DDHD2: variants seen among roughly 807,000 people sequenced by gnomAD.
The protein encoded by DDHD2 is DDHD domain containing 2, also known as triacylglycerol hydrolase DDHD2.
In DDHD2, 62 loss-of-function variants were observed where a neutral mutation model predicts 91.2. The ratio of observed to expected loss-of-function variants is 0.68; its 90% CI spans 0.55 to 0.84. The LOEUF is 0.84. Among genes scored for constraint, DDHD2 ranks in the 40% least tolerant of loss-of-function variants. DDHD2 has a pLI of 0.00. For missense variants in DDHD2, 740 were observed against 846.9 expected, an observed-to-expected ratio of 0.87 and a Z score of 1.57; for synonymous variants, 271 against 293.9, an observed-to-expected ratio of 0.92 and a Z score of 0.80.
intron 16 of DDHD2, among the ~76,000 whole-genome samples, chr8:38,256,200 C>T (rs1270073480): frequency 6.6e-6 from 1 of 152,126 alleles, no homozygotes; most frequent in Non-Finnish European, 1.5e-5. Context: ...TCCTAATTTC[C>T]AGGGAGCCAC....
chr8:38,249,449 T>C (rs1479207473), intron 10 of DDHD2, among the ~76,000 whole-genome samples: 2 of 150,218 alleles, frequency 1.3e-5, no homozygotes, highest in African/African-American at 4.9e-5. Flanking sequence ...GATACCCAAC[T>C]TCTCTGTTTT....
At chr8:38,235,790 C>T (rs943006241) in intron 3 of DDHD2, among the ~76,000 whole-genome samples, 11 of 150,552 alleles carry the variant, frequency 7.3e-5, no homozygotes, top group Non-Finnish European at 1.6e-4. Context: ...GAGGCCAAGG[C>T]AGGAGGATGA....
rs370808506 is a variant in DDHD2, at chr8:38,260,065, G to A, written c.2080G>A (p.Val694Ile). Residue 694 changes from valine to isoleucine, a missense_variant, in exon 17 of 18, where the codon GTC becomes ATC. Transcript: ENST00000397166. Reference sequence around the variant, plus strand: ...GGAGTCTGAAGATACAGTATTGCTCGTCCTCAAAGAGATCTACCAAACCCA... The same window carrying A: ...GGAGTCTGAAGATACAGTATTGCTCATCCTCAAAGAGATCTACCAAACCCA... The part of the protein sequence containing the change: ...YWESEDTVLL[V>I]LKEIYQTQGI... 61 of 1,613,176 alleles carry A rather than the reference G, an allele frequency of 3.8e-5. No individual in the cohort carries two copies. Among genetic ancestry groups the A allele is most frequent in the Non-Finnish European group, 4.6e-5 (54 of 1,179,376 alleles).
rs552957037 is a variant in DDHD2, at chr8:38,259,819, C to T, written c.2055-221C>T. Among the ~76,000 whole-genome samples the T allele has an allele frequency of 2.0e-5, 3 of 152,342 alleles. No individual in the cohort carries two copies. In the South Asian group the frequency reaches 6.2e-4, roughly 32 times the overall value. ...ACAGGCATGAGCCACCGCACCTGGCCTCTCTTCCTAGCTTTTTTATATTAC... is the reference window on the plus strand; with the variant it reads ...ACAGGCATGAGCCACCGCACCTGGCTTCTCTTCCTAGCTTTTTTATATTAC... On this transcript the variant is annotated intron_variant, in intron 16 of 17. Coordinates refer to ENST00000397166, the MANE Select transcript of DDHD2 (RefSeq NM_015214.3).
At chr8:38,248,077 G>A (rs1258347740) in intron 10 of DDHD2, among the ~76,000 whole-genome samples, 1 of 152,180 alleles carries the variant, frequency 6.6e-6, no homozygotes, top group Non-Finnish European at 1.5e-5. Flanking sequence ...ACGGCTCATA[G>A]AAAACATGAG....
chr8:38,250,939 G>C (rs1407899882), intron 11 of DDHD2: 1 of 152,126 alleles, frequency 6.6e-6, no homozygotes, highest in Non-Finnish European at 1.5e-5. Context: ...TGAGCCATGT[G>C]TCTGACTTCT....
downstream of DDHD2, chr8:38,267,406 C>T (rs1211595961): frequency 2.5e-6 from 4 of 1,611,216 alleles, no homozygotes; most frequent in South Asian, 1.1e-5. Context: ...AAGAAAGCAG[C>T]ATGGTTGGAA....
intron 5 of DDHD2, chr8:38,238,545 A>G (rs1804985619): frequency 1.9e-6 from 2 of 1,051,498 alleles, no homozygotes; most frequent in Non-Finnish European, 2.3e-6. Context: ...TTGTCCTTGA[A>G]GATTTTCAAC....
downstream of DDHD2, among the ~76,000 whole-genome samples, chr8:38,266,634 C>G (rs753151897): frequency 2.6e-5 from 4 of 152,130 alleles, no homozygotes; most frequent in African/African-American, 7.2e-5. Context: ...CTCCTGGCCT[C>G]AAGTGACCTG....
chr8:38,267,790 T>C (rs1807893826), downstream of DDHD2: 5 of 1,152,688 alleles, frequency 4.3e-6, no homozygotes, highest in South Asian at 6.7e-5. Context: ...AGAGTGAAGA[T>C]AAAGGAGAAA....
Position 38,252,151 on chromosome 8 carries a change from G to C in DDHD2, c.1481G>C (p.Arg494Pro). The part of the protein sequence containing the change: ...GIGQVSVKYP[R>P]LIYKPEIFFA... ...TTTGAGGTGTCTGTGAAATACCCCC[G>C]GCTCATCTATAAACCAGAGATATTC... The change falls in exon 13 of 18, where the codon CGG becomes CCG. Residue 494 changes from arginine to proline, a missense_variant. Physicochemically the swap from Arg to Pro is moderately radical, Grantham distance 103. Coordinates refer to ENST00000397166, the MANE Select transcript of DDHD2 (RefSeq NM_015214.3). 2 of 1,613,930 alleles carry C rather than the reference G, an allele frequency of 1.2e-6. No individual in the cohort carries two copies. Among genetic ancestry groups the C allele is most frequent in the South Asian group, 1.1e-5 (1 of 91,038 alleles).
intron 5 of DDHD2, among the ~76,000 whole-genome samples, chr8:38,240,044 A>AG (rs1233387686): frequency 1.3e-5 from 2 of 152,044 alleles, no homozygotes; most frequent in Non-Finnish European, 1.5e-5. Flanking sequence ...TTCAGAGATC[A>AG]GAAAAAAAAG....
Position 38,267,877 on chromosome 8 carries a change from G to A in DDHD2, n.88-3245G>A, listed in dbSNP as rs779272349. ...TAAGGGCTGAGGCAGATGCTGGGGT[G>A]GTTAGCTGTTGTCACTTACCTCCCT... On this transcript the variant is annotated intron_variant and non_coding_transcript_variant, in intron 1 of 1. Transcript: ENST00000526071. 3 of 1,611,748 alleles carry A rather than the reference G, an allele frequency of 1.9e-6. No homozygotes were observed. The African/African-American group carries it at 4.0e-5, about 22-fold the overall frequency.
At chr8:38,238,837 A>G (rs1805013120) in intron 5 of DDHD2, 1 of 394,320 alleles carries the variant, frequency 2.5e-6, no homozygotes, top group African/African-American at 2.2e-5. Flanking sequence ...TAATATACTT[A>G]GGAAATACAC....
chr8:38,231,658 C>T lies in DDHD2; in HGVS notation c.-210C>T, dbSNP rs1379823803. ...TCGCGCGCCGCGCTCCCCGCCGCCT[C>T]ACCTTTTCGCCTGGCATCCGGGCCC... On this transcript the variant is annotated 5_prime_UTR_variant, in exon 1 of 18. Coordinates refer to ENST00000397166, the MANE Select transcript of DDHD2 (RefSeq NM_015214.3). 1 of 152,276 alleles carries T rather than the reference C, an allele frequency of 6.6e-6. No homozygotes were observed. The highest frequency in any genetic ancestry group is 2.4e-5 in the African/African-American group (1 of 41,420). 9.4% of individuals were successfully genotyped at this position (152,276 alleles called of 1,614,324 possible).
At chr8:38,240,504 A>G in intron 6 of DDHD2, 140 bp downstream of exon 6, 1 of 498,776 alleles carries the variant, frequency 2.0e-6, no homozygotes, top group Middle Eastern at 3.0e-4. Flanking sequence ...AAAGCTTCTC[A>G]GCTTAGACCT....
downstream of DDHD2, chr8:38,273,630 A>C (rs533821189): frequency 6.6e-6 from 1 of 152,380 alleles, no homozygotes; most frequent in African/African-American, 2.4e-5. Context: ...TACAAAATAA[A>C]ATTTTAGTAT....
downstream of DDHD2, chr8:38,267,369 G>A (rs745649397): frequency 7.4e-6 from 12 of 1,613,566 alleles, no homozygotes; most frequent in South Asian, 7.7e-5. Flanking sequence ...GGGAAGCAGC[G>A]GTAGAAGAAA....
downstream of DDHD2, chr8:38,273,601 TA>T (rs1808534989): frequency 6.6e-6 from 1 of 152,216 alleles, no homozygotes; most frequent in Admixed American, 6.5e-5. Context: ...TTAGTAAGTT[TA>T]AAAAACCAAA....
Sources: allele counts gnomAD v4.1 joint callset (sites outside exome capture counted in the v4.1 genomes callset), GRCh38; gene constraint gnomAD v4.1.1; transcripts MANE v1.5; gene names NCBI Gene and HGNC (gene_info 2026-07-23, HGNC 2026-07-21).